Variants in KLF9 observed in about 807,000 individuals in gnomAD.
KLF9 encodes the protein Krueppel-like factor 9.
Under a neutral mutation model 17.3 loss-of-function variants are expected in KLF9, and 2 were observed. The ratio of observed to expected loss-of-function variants is 0.12; its 90% CI spans 0.05 to 0.36. The LOEUF is 0.36. Ranked by LOEUF, KLF9 falls within the 10% of genes least tolerant of loss-of-function variation. KLF9 has a pLI of 1.00. For missense variants in KLF9, 226 were observed against 333.2 expected, an observed-to-expected ratio of 0.68 and a Z score of 2.51; for synonymous variants, 138 against 139.2, an observed-to-expected ratio of 0.99 and a Z score of 0.06.
rs1236099539 is a variant in KLF9 at position 70,404,610 on chromosome 9, C to CATA, written c.505+8246_505+8248dup. On this transcript the variant is annotated intron_variant, in intron 1 of 1. Coordinates refer to ENST00000377126, the MANE Select transcript of KLF9 (RefSeq NM_001206.4). ...ACAGAGTGAGACTCAGTCTCAAAAT[C>CATA]ATAATAATAATAATAATAAATAATT... is the stretch of plus-strand genomic sequence containing the variant. 2.2e-3 allele frequency among the ~76,000 whole-genome samples: 328 copies of CATA among 151,542 alleles called. 1 individual carries two copies. Among genetic ancestry groups the CATA allele is most frequent in the African/African-American group, 7.4e-3 (305 of 41,274 alleles).
intron 1 of KLF9, among the ~76,000 whole-genome samples, chr9:70,395,387 A>G (rs2037177024): frequency 9.3e-6 from 1 of 107,290 alleles, no homozygotes; most frequent in Non-Finnish European, 1.9e-5. Flanking sequence ...GAGCATTTTT[A>G]GAATCCTGGA....
At chr9:70,391,536 G>A (rs1361225400) in intron 1 of KLF9, among the ~76,000 whole-genome samples, 1 of 152,100 alleles carries the variant, frequency 6.6e-6, no homozygotes, top group African/African-American at 2.4e-5. Context: ...TAGAAGCTTC[G>A]TTAGACTCAT....
At position 70,411,332 on chromosome 9, in the gene KLF9, C is replaced by T. The variant is rs1256614615; in HGVS notation, c.505+1527G>A. Among the ~76,000 whole-genome samples the T allele has an allele frequency of 3.3e-5, 5 of 152,186 alleles. No homozygotes were observed. In the South Asian group the frequency reaches 8.3e-4, roughly 25 times the overall value. On this transcript the variant is annotated intron_variant, in intron 1 of 1. Transcript: ENST00000377126. ...CGGGAACATGGCTGACACAGCCAGGCCCGCCCAACAGCTGTTGGTGAGTAA... is the reference window on the plus strand; with the variant it reads ...CGGGAACATGGCTGACACAGCCAGGTCCGCCCAACAGCTGTTGGTGAGTAA...
At chr9:70,390,660 C>G (rs1340401126) in intron 1 of KLF9, among the ~76,000 whole-genome samples, 1 of 148,464 alleles carries the variant, frequency 6.7e-6, no homozygotes, top group African/African-American at 2.5e-5. Flanking sequence ...TACACACACT[C>G]TCTCTCTCTC....
intron 1 of KLF9, among the ~76,000 whole-genome samples, chr9:70,404,115 G>C (rs2037241596): frequency 1.3e-5 from 2 of 152,190 alleles, no homozygotes; most frequent in African/African-American, 4.8e-5. Context: ...GAGAAGAACA[G>C]CACCTTTCTA....
intron 1 of KLF9, among the ~76,000 whole-genome samples, chr9:70,397,292 T>C (rs920346122): frequency 7.2e-5 from 11 of 151,988 alleles, no homozygotes; most frequent in African/African-American, 2.7e-4. Context: ...CTGGCCAACA[T>C]GGTGAAACCC....
rs1009119057 is a variant in KLF9, at chr9:70,385,162, A to T, written c.*2614T>A. 19 of 152,656 alleles carry T rather than the reference A, an allele frequency of 1.2e-4. No individual in the cohort carries two copies. The highest frequency in any genetic ancestry group is 6.5e-5 in the Admixed American group (1 of 15,282). The allele number at this position is 152,656 out of a possible 1,614,324, so 9.5% of individuals were successfully genotyped here. A position where few individuals can be genotyped will look rare whatever the true frequency, so the allele number is the denominator to read the frequency against. ...ATTACTATCCTGCATTTGGATTTTCATAAGTTAAATCCATGGTCTTTTTAA... is the reference window on the plus strand; with the variant it reads ...ATTACTATCCTGCATTTGGATTTTCTTAAGTTAAATCCATGGTCTTTTTAA... On this transcript the variant is annotated 3_prime_UTR_variant, in exon 2 of 2. Transcript: ENST00000377126.
intron 1 of KLF9, among the ~76,000 whole-genome samples, chr9:70,396,461 G>A (rs1026344889): frequency 8.5e-5 from 13 of 152,116 alleles, no homozygotes; most frequent in Non-Finnish European, 1.5e-4. Flanking sequence ...GCATAAGTGT[G>A]TGAATATATA....
In KLF9 at chr9:70,413,130, G is replaced by T; in HGVS notation, c.234C>A (p.Thr78=). 1 of 1,614,170 alleles carries T rather than the reference G, an allele frequency of 6.2e-7. No individual in the cohort carries two copies. Among genetic ancestry groups the T allele is most frequent in the Non-Finnish European group, 8.5e-7 (1 of 1,180,036 alleles). Residue 78 remains threonine, a synonymous_variant, in exon 1 of 2, where the codon ACC becomes ACA. Transcript: ENST00000377126. This position sits in a 1 kb window ranked among gnomAD's most constrained non-coding sequence, Gnocchi z 5.6. ...LDLNKYRPIQ[T]PSVCSDSLES... ...CCAGACTGTCGCTGCACACGGAGGGGGTCTGGATGGGTCGGTACTTGTTCA... is the reference window on the plus strand; with the variant it reads ...CCAGACTGTCGCTGCACACGGAGGGTGTCTGGATGGGTCGGTACTTGTTCA...
intron 1 of KLF9, among the ~76,000 whole-genome samples, chr9:70,393,654 C>A (rs975062271): frequency 6.6e-6 from 1 of 152,160 alleles, no homozygotes; most frequent in African/African-American, 2.4e-5. Context: ...GTAAACCAAT[C>A]TGGTAAAAAA....
At chr9:70,401,252 G>C (rs1701654839) in intron 1 of KLF9, among the ~76,000 whole-genome samples, 1 of 151,948 alleles carries the variant, frequency 6.6e-6, no homozygotes, top group African/African-American at 2.4e-5. Flanking sequence ...GGAGACCTAG[G>C]TGAGAGACTG....
intron 1 of KLF9, among the ~76,000 whole-genome samples, chr9:70,402,791 ATATCGTACTGTT>A (rs1480576202): frequency 6.6e-6 from 1 of 152,206 alleles, no homozygotes; most frequent in Non-Finnish European, 1.5e-5. Context: ...AGAAAAAAAA[ATATCGTACTGTT>A]TGCCTCTCAT....
intron 1 of KLF9, among the ~76,000 whole-genome samples, chr9:70,401,044 C>T (rs1028028443): frequency 9.2e-5 from 14 of 151,544 alleles, no homozygotes; most frequent in African/African-American, 2.4e-4. Context: ...AGAAATGCCT[C>T]GGGTTAGGCT....
In KLF9 at chr9:70,384,615, T is replaced by C. The variant is rs1223008590; in HGVS notation, c.*3161A>G. On this transcript the variant is annotated 3_prime_UTR_variant, in exon 2 of 2. Transcript: ENST00000377126. ...AGAACAATTCAGTCTTTATCATTTA[T>C]TATTTTTATTTGGACAACATATATA... 6.6e-6 allele frequency: 1 copy of C among 152,664 alleles called. No individual in the cohort carries two copies. The highest frequency in any genetic ancestry group is 6.5e-5 in the Admixed American group (1 of 15,280). 9.5% of individuals were successfully genotyped at this position (152,664 alleles called of 1,614,324 possible). A position where few individuals can be genotyped will look rare whatever the true frequency, so the allele number is the denominator to read the frequency against.
In KLF9 at chr9:70,409,699, T is replaced by C. The variant is rs529665096; in HGVS notation, c.505+3160A>G. Among the ~76,000 whole-genome samples, 3 of 152,290 alleles carry C rather than the reference T, an allele frequency of 2.0e-5. No homozygotes were observed. In the East Asian group the frequency reaches 5.8e-4, roughly 29 times the overall value. ...GTACAAATAAATACATCATAAAGTG[T>C]CCAAAAAGTCTGGAAACAGGAAAAA... On this transcript the variant is annotated intron_variant, in intron 1 of 1. Coordinates refer to ENST00000377126, the MANE Select transcript of KLF9 (RefSeq NM_001206.4).
chr9:70,409,082 ACACATATATG>A (rs1230854573), intron 1 of KLF9, among the ~76,000 whole-genome samples: 3 of 93,140 alleles, frequency 3.2e-5, no homozygotes, highest in South Asian at 3.3e-4. Flanking sequence ...GTATATATAT[ACACATATATG>A]TATATATATG....
intron 1 of KLF9, among the ~76,000 whole-genome samples, chr9:70,390,396 G>C (rs948903293): frequency 1.4e-5 from 2 of 145,884 alleles, no homozygotes; most frequent in Non-Finnish European, 3.0e-5. Context: ...CTGCAAAGAG[G>C]AAAAAAAAAA....
chr9:70,389,070 A>C (rs1319243978), intron 1 of KLF9, among the ~76,000 whole-genome samples: 4 of 151,920 alleles, frequency 2.6e-5, no homozygotes, highest in Admixed American at 6.6e-5. Context: ...GAACCCAGGA[A>C]GCGAAGGTTG....
At chr9:70,411,171 ATT>A (rs760435654) in intron 1 of KLF9, among the ~76,000 whole-genome samples, 2 of 152,200 alleles carry the variant, frequency 1.3e-5, no homozygotes, top group African/African-American at 4.8e-5. Context: ...TGGAAACCCT[ATT>A]CCTGAGTCGG....
Sources: allele counts gnomAD v4.1 joint callset (sites outside exome capture counted in the v4.1 genomes callset), GRCh38; gene constraint gnomAD v4.1.1; non-coding constraint Gnocchi (gnomAD v3.1); transcripts MANE v1.5; gene names NCBI Gene and HGNC (gene_info 2026-07-23, HGNC 2026-07-21).